Variants in STOML3 observed in about 807,000 individuals in gnomAD.
STOML3 encodes stomatin-like protein 3.
STOML3 carries 31 observed loss-of-function variants against 29.5 expected under a neutral mutation model. That is an observed-to-expected ratio of 1.05 (90% confidence interval 0.79 to 1.42). STOML3 has a LOEUF of 1.42. Ranked by LOEUF, STOML3 falls within the 40% of genes most tolerant of loss-of-function variation. STOML3 has a pLI of 0.00. For synonymous variants in STOML3, 122 were observed against 139.8 expected (o/e 0.87, Z 0.90); for missense variants, 380 against 363.0 (o/e 1.05, Z -0.38).
At chr13:38,988,756 T>C (rs1367537791) in intron 1 of STOML3, among the ~76,000 whole-genome samples, 1 of 142,490 alleles carries the variant, frequency 7.0e-6, no homozygotes, top group Non-Finnish European at 1.5e-5. Context: ...ACTTATGTGC[T>C]GTCAGGTATA....
intron 3 of STOML3, among the ~76,000 whole-genome samples, chr13:38,973,401 G>C (rs1382341905): frequency 6.6e-6 from 1 of 152,216 alleles, no homozygotes. Flanking sequence ...AACAACAGAA[G>C]TTTATTTCAT....
At position 38,966,820 on chromosome 13, in the gene STOML3, G is replaced by A. The variant is rs1408248192; in HGVS notation, c.*5C>T. 1 of 1,611,660 alleles carries A rather than the reference G, an allele frequency of 6.2e-7. No individual in the cohort carries two copies. ...TATGCAATAGCTGACTACCGCAAGA[G>A]GACCTCAGGCTTTATTTGGAAGCTT... On this transcript the variant is annotated 3_prime_UTR_variant, in exon 7 of 7. Transcript: ENST00000379631.
intron 1 of STOML3, chr13:38,979,915 A>C (rs752521118): frequency 3.7e-6 from 3 of 814,960 alleles, no homozygotes; most frequent in African/African-American, 3.4e-5. Context: ...AGCACAGCAC[A>C]CGCAGGCAGC....
intron 1 of STOML3, among the ~76,000 whole-genome samples, chr13:38,979,050 G>A (rs1315109131): frequency 6.6e-6 from 1 of 152,136 alleles, no homozygotes; most frequent in East Asian, 1.9e-4. Context: ...CTTTCTGATA[G>A]GTGAAAATAA....
At chr13:38,978,343 G>A (rs1378516305) in intron 1 of STOML3, among the ~76,000 whole-genome samples, 3 of 151,796 alleles carry the variant, frequency 2.0e-5, no homozygotes, top group African/African-American at 7.3e-5. Context: ...TAGTAGAGAC[G>A]GGGTTTCGCC....
At position 38,976,810 on chromosome 13, in the gene STOML3, A is replaced by C; in HGVS notation, c.53-13T>G. 3 of 1,607,518 alleles carry C rather than the reference A, an allele frequency of 1.9e-6. No individual in the cohort carries two copies. The highest frequency in any genetic ancestry group is 1.1e-5 in the South Asian group (1 of 90,402). On this transcript the variant is annotated splice_polypyrimidine_tract_variant and intron_variant, in intron 1 of 6. Transcript: ENST00000379631. ...TTATTGTTGACACCTAGGAAATGAG[A>C]AGGAAGCAAATATGTGATCAATGTG...
At chr13:38,974,452 A>G (rs918354033) in intron 3 of STOML3, among the ~76,000 whole-genome samples, 1 of 152,094 alleles carries the variant, frequency 6.6e-6, no homozygotes, top group African/African-American at 2.4e-5. Flanking sequence ...TTAAGTCCCA[A>G]CCTACTACCT....
rs1593494665 is a variant in STOML3, at chr13:38,966,447, G to A, written c.*378C>T. 6.5e-6 allele frequency: 1 copy of A among 154,096 alleles called. No homozygotes were observed. The highest frequency in any genetic ancestry group is 2.0e-4 in the East Asian group (1 of 5,104). The allele number at this position is 154,096 out of a possible 1,614,324, so 9.5% of individuals were successfully genotyped here. ...CATATAGTGTAAATATGAGGCCTAT[G>A]TTACTCTATAAATTATCTGGAGTGC... On this transcript the variant is annotated 3_prime_UTR_variant, in exon 7 of 7. Transcript: ENST00000379631.
At chr13:38,987,006 A>C (rs1868598228) in intron 1 of STOML3, among the ~76,000 whole-genome samples, 1 of 152,164 alleles carries the variant, frequency 6.6e-6, no homozygotes, top group African/African-American at 2.4e-5. Flanking sequence ...AGAAGACAAA[A>C]CAAATCAAAA....
chr13:38,986,999 A>T (rs1326495841), intron 1 of STOML3, among the ~76,000 whole-genome samples: 1 of 152,168 alleles, frequency 6.6e-6, no homozygotes, highest in Non-Finnish European at 1.5e-5. Flanking sequence ...AACTCTTAGA[A>T]GACAAAACAA....
chr13:38,968,312 A>G, intron 6 of STOML3, 88 bp downstream of exon 6: 2 of 1,521,682 alleles, frequency 1.3e-6, no homozygotes, highest in Non-Finnish European at 1.8e-6. Flanking sequence ...CAAATAATTG[A>G]CAGACCCAAT....
intron 1 of STOML3, among the ~76,000 whole-genome samples, chr13:38,989,156 G>T (rs1470928785): frequency 6.6e-6 from 1 of 151,502 alleles, no homozygotes; most frequent in African/African-American, 2.4e-5. Flanking sequence ...AAAAGCACAG[G>T]AAATCAGACA....
At chr13:38,988,162 TATATA>T (rs1566211411) in intron 1 of STOML3, among the ~76,000 whole-genome samples, 74 of 96,280 alleles carry the variant, frequency 7.7e-4, no homozygotes, top group African/African-American at 3.3e-3. Flanking sequence ...ATATATTTTA[TATATA>T]ATATATTATA....
rs201122435 is a variant in STOML3 at position 38,976,522 on chromosome 13, C to T, written c.229+18G>A. 2 of 1,613,728 alleles carry T rather than the reference C, an allele frequency of 1.2e-6. No homozygotes were observed. Among genetic ancestry groups the T allele is most frequent in the African/African-American group, 2.7e-5 (2 of 74,910 alleles). On this transcript the variant is annotated intron_variant, in intron 3 of 6. Coordinates refer to ENST00000379631, the MANE Select transcript of STOML3 (RefSeq NM_145286.3). The stretch of plus-strand genomic sequence containing the variant: ...GGTGTCCCTGATCTTTCAGGGGCAG[C>T]CACCGCGTCATTCATACCTGGCCCC...
intron 3 of STOML3, among the ~76,000 whole-genome samples, chr13:38,974,886 C>A (rs937008612): frequency 1.3e-5 from 2 of 152,126 alleles, no homozygotes; most frequent in African/African-American, 4.8e-5. Context: ...CTTAGCCCCA[C>A]CAGGTGGAAC....
chr13:38,990,121 T>C (rs1868941231), intron 1 of STOML3, among the ~76,000 whole-genome samples: 1 of 152,206 alleles, frequency 6.6e-6, no homozygotes, highest in African/African-American at 2.4e-5. Flanking sequence ...ATGATAGTAG[T>C]TGGTACTTAT....
chr13:38,977,102 G>A (rs987721384), intron 1 of STOML3, among the ~76,000 whole-genome samples: 2 of 152,202 alleles, frequency 1.3e-5, no homozygotes, highest in Non-Finnish European at 2.9e-5. Context: ...CACATAAACA[G>A]TGGTTCTCAA....
intron 3 of STOML3, among the ~76,000 whole-genome samples, chr13:38,973,102 A>T (rs74915640): frequency 3.0e-5 from 3 of 99,332 alleles, no homozygotes; most frequent in Admixed American, 2.4e-4. Context: ...CTACTAAAAA[A>T]AAAAAAAAAA....
chr13:38,968,250 T>G, intron 6 of STOML3, 150 bp downstream of exon 6: 1 of 1,220,688 alleles, frequency 8.2e-7, no homozygotes, highest in Non-Finnish European at 1.1e-6. Flanking sequence ...GGTTACCTTT[T>G]AATTCAGGGA....
Sources: gnomAD v4.1 joint callset for allele counts (sites outside exome capture counted in the v4.1 genomes callset) on GRCh38, gnomAD v4.1.1 for gene constraint, MANE v1.5 for transcripts, NCBI Gene and HGNC (gene_info 2026-07-23, HGNC 2026-07-21) for gene names.